TBC1D2B: variants seen among roughly 807,000 people sequenced by gnomAD.
The protein encoded by TBC1D2B is TBC1 domain family, member 2B.
Under a neutral mutation model 100.8 loss-of-function variants are expected in TBC1D2B, and 64 were observed. The observed-to-expected ratio is 0.64, with a 90% CI of 0.52 to 0.78. The LOEUF is 0.78. Ranked by LOEUF, TBC1D2B falls within the 30% of genes least tolerant of loss-of-function variation. TBC1D2B has a pLI of 0.00. For synonymous variants in TBC1D2B, 480 were observed against 479.7 expected (o/e 1.00, Z -0.01); for missense variants, 1,052 against 1,218.4 (o/e 0.86, Z 2.03).
chr15:78,005,045 T>C (rs1377419098), intron 10 of TBC1D2B, among the ~76,000 whole-genome samples: 1 of 152,076 alleles, frequency 6.6e-6, no homozygotes, highest in Admixed American at 6.6e-5. Flanking sequence ...CAGCCTGGAG[T>C]ATCCAGCTGC....
chr15:78,017,260 A>G (rs1298767881), intron 7 of TBC1D2B: 1 of 153,812 alleles, frequency 6.5e-6, no homozygotes, highest in Non-Finnish European at 1.4e-5. Flanking sequence ...AGCTGTTGAC[A>G]AGTATCATTT....
At chr15:78,017,340 G>C (rs1203736104) in intron 7 of TBC1D2B, 1 of 153,538 alleles carries the variant, frequency 6.5e-6, no homozygotes, top group African/African-American at 2.4e-5. Context: ...GCCCCTTCCA[G>C]CCATAATCAT....
At chr15:78,030,910 C>T (rs553721149) in intron 3 of TBC1D2B, among the ~76,000 whole-genome samples, 1 of 152,304 alleles carries the variant, frequency 6.6e-6, no homozygotes, top group South Asian at 2.1e-4. Context: ...CTCATTCATC[C>T]ACCAATTATT....
At chr15:78,003,963 T>G (rs2071989930) in intron 10 of TBC1D2B, among the ~76,000 whole-genome samples, 1 of 152,072 alleles carries the variant, frequency 6.6e-6, no homozygotes, top group South Asian at 2.1e-4. Context: ...GCATGTGCAG[T>G]GGGGGTGGCG....
At position 78,054,048 on chromosome 15, in the gene TBC1D2B, G is replaced by A. The variant is rs1596326131; in HGVS notation, c.500C>T (p.Ala167Val). 1.9e-6 allele frequency: 3 copies of A among 1,612,894 alleles called. No homozygotes were observed. In the East Asian group the frequency reaches 6.7e-5, roughly 36 times the overall value. Residue 167 changes from alanine to valine, a missense_variant, in exon 2 of 13, where the codon GCC becomes GTC. Physicochemically the swap from Ala to Val is moderately conservative, Grantham distance 64. This residue lies in a region of TBC1D2B where 627 missense variants were observed against 646.1 expected (regional missense o/e 0.97). Coordinates refer to ENST00000300584, the MANE Select transcript of TBC1D2B (RefSeq NM_144572.2). ...TPGDFPKGLV[A>V]RDNTDLIYPH... ...TTCTGCCTTACCAGTGTTATCTCTG[G>A]CTACAAGACCCTTAGGAAAATCCCC...
At chr15:78,076,291 C>T (rs1394460106) in intron 1 of TBC1D2B, among the ~76,000 whole-genome samples, 1 of 152,166 alleles carries the variant, frequency 6.6e-6, no homozygotes, top group Non-Finnish European at 1.5e-5. Context: ...CAAGGCATAA[C>T]TGGCTGAAAA....
intron 1 of TBC1D2B, among the ~76,000 whole-genome samples, 181 bp from the exon 2 acceptor site, chr15:78,054,368 C>A (rs184341401): frequency 6.6e-6 from 1 of 152,276 alleles, no homozygotes; most frequent in African/African-American, 2.4e-5. Flanking sequence ...AAGCAAATAG[C>A]AATTGTAACA....
chr15:78,042,237 C>T (rs1199959856), intron 3 of TBC1D2B, among the ~76,000 whole-genome samples: 1 of 152,204 alleles, frequency 6.6e-6, no homozygotes, highest in Non-Finnish European at 1.5e-5. Context: ...CCCAGCATTA[C>T]AGGTCTATTT....
chr15:78,010,599 C>T (rs7174489), intron 9 of TBC1D2B, among the ~76,000 whole-genome samples: 75,699 of 151,328 alleles, frequency 0.5, 19,898 homozygotes, highest in East Asian at 0.63. Flanking sequence ...GAGAGAAAAA[C>T]AAGACACGCA....
At chr15:78,073,022 C>T (rs533848610) in intron 1 of TBC1D2B, among the ~76,000 whole-genome samples, 1 of 152,296 alleles carries the variant, frequency 6.6e-6, no homozygotes, top group South Asian at 2.1e-4. Flanking sequence ...TACTACTACG[C>T]CTTATCCGAT....
At chr15:78,062,476 T>C (rs2073567750) in intron 1 of TBC1D2B, among the ~76,000 whole-genome samples, 1 of 152,164 alleles carries the variant, frequency 6.6e-6, no homozygotes, top group Non-Finnish European at 1.5e-5. Flanking sequence ...AACAACAACA[T>C]ATTTTAGACT....
chr15:78,009,899 C>T (rs188461939), intron 9 of TBC1D2B, among the ~76,000 whole-genome samples: 97 of 149,672 alleles, frequency 6.5e-4, no homozygotes, highest in Middle Eastern at 7.0e-3. Context: ...GGCGTGAACC[C>T]GGGAGGCAGA....
At position 78,040,858 on chromosome 15, in the gene TBC1D2B, G is replaced by GA. The variant is rs1555420846; in HGVS notation, c.683+4041dup. On this transcript the variant is annotated intron_variant, in intron 3 of 12. Coordinates refer to ENST00000300584, the MANE Select transcript of TBC1D2B (RefSeq NM_144572.2). The stretch of plus-strand genomic sequence containing the variant: ...AAGAAAAAAGAAAGAAAGAAAGGAA[G>GA]AAAGAAAGAAAGAAAGAAAGAAAGA... Among the ~76,000 whole-genome samples the GA allele has an allele frequency of 2.2e-5, 3 of 135,274 alleles. No individual in the cohort carries two copies. In the South Asian group the frequency reaches 7.2e-4, roughly 32 times the overall value. The allele number at this position is 135,274 out of a possible 152,430, so 88.7% of individuals were successfully genotyped here.
rs760985756 is a variant in TBC1D2B at position 78,017,966 on chromosome 15, A to T, written c.1471-9T>A. 3.9e-6 allele frequency: 5 copies of T among 1,290,056 alleles called. No homozygotes were observed. The highest frequency in any genetic ancestry group is 4.3e-6 in the Non-Finnish European group (4 of 937,872). The allele number at this position is 1,290,056 out of a possible 1,614,324, so 79.9% of individuals were successfully genotyped here. On this transcript the variant is annotated splice_polypyrimidine_tract_variant and intron_variant, in intron 6 of 12. Coordinates refer to ENST00000300584, the MANE Select transcript of TBC1D2B (RefSeq NM_144572.2). Reference sequence around the variant, plus strand: ...TACCCCTGTAGATTATCCTGTTAGAAAAAAAAAAAATCCCTGAATTCACAT... The same window carrying T: ...TACCCCTGTAGATTATCCTGTTAGATAAAAAAAAAATCCCTGAATTCACAT...
chr15:78,001,641 T>G lies in TBC1D2B; in HGVS notation c.2674A>C (p.Thr892Pro). The change falls in exon 12 of 13, where the codon ACT (threonine) becomes CCT (proline). Residue 892 changes from threonine to proline, a missense_variant. This residue lies in a region of TBC1D2B where 373 missense variants were observed against 464.9 expected (regional missense o/e 0.80). Transcript: ENST00000300584. ...MSIFKYLRYF[T>P]RTILDARKLI... ...CACCTAGCATCAAGGATAGTGCGAG[T>G]GAAGTAGCGGAGATACTTAAATATA... The G allele has an allele frequency of 6.2e-7, 1 of 1,609,344 alleles. No homozygotes were observed. The highest frequency in any genetic ancestry group is 8.5e-7 in the Non-Finnish European group (1 of 1,177,866).
At chr15:78,010,486 G>C (rs1428523749) in intron 9 of TBC1D2B, among the ~76,000 whole-genome samples, 1 of 152,034 alleles carries the variant, frequency 6.6e-6, no homozygotes, top group Non-Finnish European at 1.5e-5. Context: ...AAACTATAAT[G>C]AACTCATCTC....
intron 3 of TBC1D2B, among the ~76,000 whole-genome samples, chr15:78,041,389 G>T (rs952443876): frequency 3.3e-5 from 5 of 152,184 alleles, no homozygotes; most frequent in African/African-American, 1.2e-4. Flanking sequence ...GCCCTGAAGT[G>T]GCCCATTTGG....
At chr15:78,039,381 T>C (rs1244706327) in intron 3 of TBC1D2B, among the ~76,000 whole-genome samples, 1 of 152,128 alleles carries the variant, frequency 6.6e-6, no homozygotes. Context: ...CCCGCCATGC[T>C]CACAAATAAC....
rs1396678595 is a variant in TBC1D2B at position 77,995,274 on chromosome 15, T to C, written c.*2886A>G. On this transcript the variant is annotated 3_prime_UTR_variant, in exon 13 of 13. Transcript: ENST00000300584. ...GGTGGGGATCTGTGCAATACAAACA[T>C]GTAGCTAGAAAACCCAACCGAGGAT... is the stretch of plus-strand genomic sequence containing the variant. 5.9e-5 allele frequency: 9 copies of C among 152,316 alleles called. No individual in the cohort carries two copies. In the East Asian group the frequency reaches 1.5e-3, roughly 26 times the overall value. The allele number at this position is 152,316 out of a possible 1,614,324, so 9.4% of individuals were successfully genotyped here.
Sources: gnomAD v4.1 joint callset for allele counts (sites outside exome capture counted in the v4.1 genomes callset) on GRCh38, gnomAD v4.1.1 for gene constraint, gnomAD v4.1.1 regional missense constraint, MANE v1.5 for transcripts, NCBI Gene and HGNC (gene_info 2026-07-23, HGNC 2026-07-21) for gene names.